Variants in PRSS23 observed in about 807,000 individuals in gnomAD.
PRSS23 encodes protease, serine 23.
In PRSS23, 25 loss-of-function variants were observed where a neutral mutation model predicts 34.7. That is an observed-to-expected ratio of 0.72 (90% CI 0.53 to 1.01). PRSS23 has a LOEUF of 1.01. Ranked by LOEUF, PRSS23 falls within the 50% of genes least tolerant of loss-of-function variation. The probability of loss-of-function intolerance (pLI) is 0.00; values close to 1 mark genes in which losing one functional copy is unlikely to be tolerated. For missense variants in PRSS23, 445 were observed against 475.6 expected, an observed-to-expected ratio of 0.94 and a Z score of 0.60; for synonymous variants, 176 against 186.6, an observed-to-expected ratio of 0.94 and a Z score of 0.46.
intron 2 of PRSS23, among the ~76,000 whole-genome samples, chr11:86,879,580 C>T (rs1202888133): frequency 3.5e-5 from 5 of 140,968 alleles, no homozygotes; most frequent in African/African-American, 7.8e-5. Flanking sequence ...CCAGCCGCCC[C>T]GTCAGGGAGG....
chr11:86,812,605 T>C (rs4307748), downstream of PRSS23, among the ~76,000 whole-genome samples: 17,386 of 151,226 alleles, frequency 0.11, 1,356 homozygotes, highest in East Asian at 0.42. Flanking sequence ...CCTGCTAACA[T>C]GCTGAAACCC....
At chr11:86,863,742 C>T (rs11606102) in intron 2 of PRSS23, among the ~76,000 whole-genome samples, 17,540 of 152,190 alleles carry the variant, frequency 0.12, 1,280 homozygotes, top group Non-Finnish European at 0.16. Context: ...GCTTCAGCAA[C>T]TCCTTAAAAT....
At chr11:86,923,320 T>TAGGCAACC (rs1949059043) in intron 2 of PRSS23, among the ~76,000 whole-genome samples, 1 of 152,054 alleles carries the variant, frequency 6.6e-6, no homozygotes, top group Non-Finnish European at 1.5e-5. Flanking sequence ...AGAGATGGGG[T>TAGGCAACC]CTTGCCGTGT....
intron 2 of PRSS23, chr11:86,949,784 GGC>G (rs1448346583): frequency 6.6e-6 from 1 of 152,626 alleles, no homozygotes; most frequent in African/African-American, 2.4e-5. Flanking sequence ...TCAGGCTTCT[GGC>G]TGGCATTCTG....
At chr11:86,941,074 T>C (rs1339673821) in intron 2 of PRSS23, 1 of 152,164 alleles carries the variant, frequency 6.6e-6, no homozygotes, top group African/African-American at 2.4e-5. Flanking sequence ...TGGGGGTGGT[T>C]TTGATGGGCA....
chr11:86,792,303 G>A (rs74649529), intron 1 of PRSS23, among the ~76,000 whole-genome samples: 11 of 152,098 alleles, frequency 7.2e-5, no homozygotes, highest in African/African-American at 2.2e-4. Context: ...TGGACTACTC[G>A]GCAATTGGAA....
chr11:86,797,866 TGAG>T (rs1947991316), upstream of PRSS23, among the ~76,000 whole-genome samples: 2 of 152,202 alleles, frequency 1.3e-5, no homozygotes, highest in African/African-American at 4.8e-5. Flanking sequence ...AGGAGGAAAC[TGAG>T]GTACAGAAAA....
At chr11:86,920,585 G>C (rs1411979679) in intron 2 of PRSS23, among the ~76,000 whole-genome samples, 1 of 152,134 alleles carries the variant, frequency 6.6e-6, no homozygotes, top group Non-Finnish European at 1.5e-5. Context: ...GACGTTTACA[G>C]AATGGAGTTT....
intron 2 of PRSS23, among the ~76,000 whole-genome samples, chr11:86,859,424 CA>C (rs1179438649): frequency 2.0e-5 from 3 of 151,860 alleles, no homozygotes; most frequent in Non-Finnish European, 2.9e-5. Flanking sequence ...TTCTACTATC[CA>C]AAGGGGAAGA....
At chr11:86,895,688 C>A (rs1474182035) in intron 2 of PRSS23, among the ~76,000 whole-genome samples, 1 of 151,982 alleles carries the variant, frequency 6.6e-6, no homozygotes, top group African/African-American at 2.4e-5. Flanking sequence ...CCATGTTGCC[C>A]AGGCTGCTCT....
chr11:86,824,330 A>AAAAATAAAAATAAAATAAAAT (rs1555071045), intron 2 of PRSS23, among the ~76,000 whole-genome samples: 1 of 133,150 alleles, frequency 7.5e-6, no homozygotes, highest in African/African-American at 2.9e-5. Flanking sequence ...AAATAAAAAT[A>AAAAATAAAAATAAAATAAAAT]AAAATAAAAT....
At chr11:86,863,941 G>A (rs369150007) in intron 2 of PRSS23, among the ~76,000 whole-genome samples, 8 of 152,184 alleles carry the variant, frequency 5.3e-5, no homozygotes, top group South Asian at 2.1e-4. Context: ...CTGAGTGACC[G>A]TGAAATCTGA....
intron 2 of PRSS23, among the ~76,000 whole-genome samples, chr11:86,869,186 A>G (rs1289402123): frequency 6.6e-6 from 1 of 152,228 alleles, no homozygotes; most frequent in African/African-American, 2.4e-5. Flanking sequence ...TGAGAAGAAA[A>G]GTAGGTAGAC....
intron 2 of PRSS23, among the ~76,000 whole-genome samples, chr11:86,875,036 T>A (rs1260773117): frequency 6.6e-6 from 1 of 152,184 alleles, no homozygotes; most frequent in Admixed American, 6.5e-5. Context: ...CAAGCATGAT[T>A]GTTTCAGTAA....
chr11:86,831,013 A>G (rs147032480), intron 2 of PRSS23, among the ~76,000 whole-genome samples: 1 of 152,086 alleles, frequency 6.6e-6, no homozygotes, highest in East Asian at 1.9e-4. Flanking sequence ...ACCCAGTGAT[A>G]TTATTTGGAA....
Position 86,822,211 on chromosome 11 carries a change from G to A in PRSS23, c.-11-1166G>A, listed in dbSNP as rs140676906. Among the ~76,000 whole-genome samples, 276 of 152,282 alleles carry A rather than the reference G, an allele frequency of 1.8e-3. 1 individual carries two copies. The highest frequency in any genetic ancestry group is 6.2e-3 in the African/African-American group (257 of 41,568). On this transcript the variant is annotated intron_variant, in intron 1 of 2. Coordinates refer to the PRSS23 transcript ENST00000533902. ...AAAAACGTGTCTTTGTGAAGTTTAC[G>A]TGGTAATTTTCCATCCCATATGCCA...
chr11:86,934,710 G>A (rs1551502), intron 2 of PRSS23: 94,935 of 152,100 alleles, frequency 0.62, 30,151 homozygotes, highest in Non-Finnish European at 0.69. Flanking sequence ...TCCCAAGCTG[G>A]TTCCTTACAA....
intron 2 of PRSS23, among the ~76,000 whole-genome samples, chr11:86,828,684 G>T (rs1247959288): frequency 6.6e-6 from 1 of 152,116 alleles, no homozygotes; most frequent in Admixed American, 6.6e-5. Context: ...TTTTAGGGCA[G>T]GCTTGGTGGT....
chr11:86,815,610 T>C (rs542944247), downstream of PRSS23, among the ~76,000 whole-genome samples: 1 of 152,332 alleles, frequency 6.6e-6, no homozygotes, highest in East Asian at 1.9e-4. Context: ...ATTGCTGTTG[T>C]TATTTATGTG....
Sources: gnomAD v4.1 joint callset for allele counts (sites outside exome capture counted in the v4.1 genomes callset) on GRCh38, gnomAD v4.1.1 for gene constraint, MANE v1.5 for transcripts, NCBI Gene and HGNC (gene_info 2026-07-23, HGNC 2026-07-21) for gene names.